The following PRKN variants were observed in gnomAD, a reference collection of about 807,000 sequenced individuals.
PRKN encodes E3 ubiquitin-protein ligase parkin.
A neutral mutation model predicts 59.5 loss-of-function variants in PRKN; 56 were observed. The ratio of observed to expected loss-of-function variants is 0.94; its 90% CI spans 0.76 to 1.18. PRKN has a LOEUF of 1.18. Among genes scored for constraint, PRKN ranks in the 50% most tolerant of loss-of-function variants. PRKN has a pLI of 0.00. For missense variants in PRKN, 657 were observed against 596.4 expected (o/e 1.10, Z -1.06); for synonymous variants, 250 against 222.1 (o/e 1.13, Z -1.12).
intron 1 of PRKN, among the ~76,000 whole-genome samples, chr6:162,716,504 T>C (rs571549483): frequency 1.3e-5 from 2 of 152,272 alleles, no homozygotes; most frequent in South Asian, 4.1e-4. Flanking sequence ...ATACACATAA[T>C]GGTTATTTGC....
chr6:161,627,931 CTTTTTTA>C lies in PRKN; in HGVS notation c.872-58522_872-58516del, dbSNP rs376907364. Among the ~76,000 whole-genome samples, 645 of 152,232 alleles carry C rather than the reference CTTTTTTA, an allele frequency of 4.2e-3. 5 individuals carry two copies. The highest frequency in any genetic ancestry group is 0.015 in the African/African-American group (608 of 41,534). ...AAATGTCTCTGAGAATTTACACTTC[CTTTTTTA>C]TTTTTTATTTTTTGGCTTGTGGGTA... is the stretch of plus-strand genomic sequence containing the variant. On this transcript the variant is annotated intron_variant, in intron 7 of 11. Transcript: ENST00000366898.
intron 1 of PRKN, among the ~76,000 whole-genome samples, chr6:162,588,357 A>T (rs1167161461): frequency 6.6e-6 from 1 of 151,942 alleles, no homozygotes; most frequent in Non-Finnish European, 1.5e-5. Context: ...TCAGTAAGAA[A>T]TAGGATGATC....
At chr6:162,416,147 T>C (rs1457169705) in intron 2 of PRKN, among the ~76,000 whole-genome samples, 1 of 152,218 alleles carries the variant, frequency 6.6e-6, no homozygotes, top group Non-Finnish European at 1.5e-5. Context: ...TTGGTTTCCA[T>C]TTATACCACT....
chr6:161,801,614 A>T (rs1348671950), intron 6 of PRKN, among the ~76,000 whole-genome samples: 1 of 152,198 alleles, frequency 6.6e-6, no homozygotes, highest in Non-Finnish European at 1.5e-5. Flanking sequence ...CACGACTTTC[A>T]GCCACTTTTA....
Position 161,579,154 on chromosome 6 carries a change from G to C in PRKN, c.872-9738C>G, listed in dbSNP as rs1477510103. Among the ~76,000 whole-genome samples the C allele has an allele frequency of 6.6e-6, 1 of 152,228 alleles. No homozygotes were observed. The highest frequency in any genetic ancestry group is 1.9e-4 in the East Asian group (1 of 5,196). On this transcript the variant is annotated intron_variant, in intron 7 of 11. Coordinates refer to ENST00000366898, the MANE Select transcript of PRKN (RefSeq NM_004562.3). This position sits in a 1 kb window ranked among gnomAD's most constrained non-coding sequence, Gnocchi z 4.2. ...GAGAAAGGAAAGGGAGGAAGTGAAG[G>C]AGATGGAATTTTGTGCTCTCTTTAA...
chr6:161,495,632 C>A (rs1030699254), intron 9 of PRKN, among the ~76,000 whole-genome samples: 1 of 152,238 alleles, frequency 6.6e-6, no homozygotes, highest in East Asian at 1.9e-4. Context: ...CACCTGAGCA[C>A]GCTCAAGGGA....
At chr6:162,404,226 C>T (rs1212473520) in intron 2 of PRKN, among the ~76,000 whole-genome samples, 1 of 151,740 alleles carries the variant, frequency 6.6e-6, no homozygotes, top group Non-Finnish European at 1.5e-5. Flanking sequence ...CAAAAATTAG[C>T]CGATGTGGTG....
In PRKN at chr6:161,582,971, AACACACACACACACACACAC is replaced by A. The variant is rs768568929; in HGVS notation, c.872-13575_872-13556del. 1.9e-4 allele frequency among the ~76,000 whole-genome samples: 22 copies of A among 117,234 alleles called. No individual in the cohort carries two copies. Among genetic ancestry groups the A allele is most frequent in the South Asian group, 3.4e-4 (1 of 2,960 alleles). 76.9% of individuals were successfully genotyped at this position (117,234 alleles called of 152,430 possible). A position where few individuals can be genotyped will look rare whatever the true frequency, so the allele number is the denominator to read the frequency against. ...TCTTTCCAGTGAGATGGCCTATTCC[AACACACACACACACACACAC>A]ACACACACACACACACACACACACA... is the stretch of plus-strand genomic sequence containing the variant. On this transcript the variant is annotated intron_variant, in intron 7 of 11. Transcript: ENST00000366898. This position sits in a 1 kb window ranked among gnomAD's most constrained non-coding sequence, Gnocchi z 4.4.
At chr6:161,874,984 T>C (rs1316815543) in intron 6 of PRKN, among the ~76,000 whole-genome samples, 1 of 86,734 alleles carries the variant, frequency 1.2e-5, no homozygotes, top group African/African-American at 5.7e-5. Context: ...TATTATATTA[T>C]ATACTTTATA....
intron 3 of PRKN, among the ~76,000 whole-genome samples, chr6:162,250,168 C>G (rs945127615): frequency 7.1e-6 from 1 of 140,200 alleles, no homozygotes; most frequent in Admixed American, 6.9e-5. Context: ...CAAATGAAAA[C>G]CGTTTTGATT....
chr6:161,634,605 A>T (rs531661938), intron 7 of PRKN, among the ~76,000 whole-genome samples: 4 of 152,130 alleles, frequency 2.6e-5, no homozygotes, highest in Non-Finnish European at 4.4e-5. Context: ...AGAGCTGGGG[A>T]TCACCTGGAC....
intron 8 of PRKN, among the ~76,000 whole-genome samples, chr6:161,555,377 C>T (rs982860543): frequency 6.6e-6 from 1 of 152,006 alleles, no homozygotes; most frequent in Non-Finnish European, 1.5e-5. Flanking sequence ...GGGACTGAAC[C>T]TTGCTTCTTT....
chr6:162,182,112 C>T (rs1267477309), intron 4 of PRKN, among the ~76,000 whole-genome samples: 1 of 152,140 alleles, frequency 6.6e-6, no homozygotes, highest in Non-Finnish European at 1.5e-5. Flanking sequence ...TACACACTTA[C>T]TTTGCATCCA....
intron 5 of PRKN, among the ~76,000 whole-genome samples, chr6:162,053,278 T>G (rs1307227820): frequency 6.6e-6 from 1 of 152,222 alleles, no homozygotes; most frequent in African/African-American, 2.4e-5. Context: ...TGACAGACTC[T>G]GTTCCTGAGA....
intron 3 of PRKN, among the ~76,000 whole-genome samples, chr6:162,257,327 A>G (rs747282097): frequency 6.6e-6 from 1 of 152,146 alleles, no homozygotes; most frequent in African/African-American, 2.4e-5. Context: ...AAAGCAAAAA[A>G]TTCTGAAAAA....
At chr6:161,862,239 A>G (rs1793932432) in intron 6 of PRKN, among the ~76,000 whole-genome samples, 1 of 152,154 alleles carries the variant, frequency 6.6e-6, no homozygotes, top group Non-Finnish European at 1.5e-5. Context: ...TCAACCCACT[A>G]CAGTGAATTA....
rs1189833867 is a variant in PRKN at position 161,369,965 on chromosome 6, C to G, written c.1168-9760G>C. On this transcript the variant is annotated intron_variant, in intron 10 of 11. Coordinates refer to ENST00000366898, the MANE Select transcript of PRKN (RefSeq NM_004562.3). The surrounding 1 kb of genome is among the most constrained non-coding windows in gnomAD (Gnocchi z 5.8). Reference sequence around the variant, plus strand: ...AGATCAACACACAAACGGCTTAGCACAGAGCCAGGTGCACCCTGAATGCTA... The same window carrying G: ...AGATCAACACACAAACGGCTTAGCAGAGAGCCAGGTGCACCCTGAATGCTA... 6 of 447,040 alleles carry G rather than the reference C, an allele frequency of 1.3e-5. No homozygotes were observed. Among genetic ancestry groups the G allele is most frequent in the South Asian group, 7.9e-5 (5 of 63,636 alleles). The allele number at this position is 447,040 out of a possible 1,614,324, so 27.7% of individuals were successfully genotyped here. A position where few individuals can be genotyped will look rare whatever the true frequency, so the allele number is the denominator to read the frequency against.
intron 1 of PRKN, among the ~76,000 whole-genome samples, chr6:162,613,390 C>T (rs918750572): frequency 1.2e-4 from 18 of 152,142 alleles, no homozygotes; most frequent in African/African-American, 4.3e-4. Flanking sequence ...TCCTGTATTA[C>T]AATCAGTTTG....
intron 6 of PRKN, among the ~76,000 whole-genome samples, chr6:161,866,658 G>A (rs1794123963): frequency 6.6e-6 from 1 of 152,182 alleles, no homozygotes; most frequent in East Asian, 1.9e-4. Context: ...AAATGGCACT[G>A]ATGGAGTGGC....
Sources: gnomAD v4.1 joint callset for allele counts (sites outside exome capture counted in the v4.1 genomes callset) on GRCh38, gnomAD v4.1.1 for gene constraint, Gnocchi (gnomAD v3.1) non-coding constraint, MANE v1.5 for transcripts, NCBI Gene and HGNC (gene_info 2026-07-23, HGNC 2026-07-21) for gene names.